DNAJC1: variants seen among roughly 807,000 people sequenced by gnomAD.
DNAJC1 encodes DnaJ heat shock protein family (Hsp40) member C1.
In DNAJC1, 58 loss-of-function variants were observed where a neutral mutation model predicts 76.6. That is an observed-to-expected ratio of 0.76 (90% confidence interval 0.61 to 0.94). The LOEUF is 0.94. DNAJC1 is among the 40% of genes least tolerant of loss of function. The pLI is 0.00. For missense variants in DNAJC1, 689 were observed against 677.3 expected, an observed-to-expected ratio of 1.02 and a Z score of -0.19; for synonymous variants, 258 against 267.9, an observed-to-expected ratio of 0.96 and a Z score of 0.36.
chr10:21,907,560 T>G (rs535271224), intron 6 of DNAJC1, among the ~76,000 whole-genome samples: 1 of 152,264 alleles, frequency 6.6e-6, no homozygotes, highest in South Asian at 2.1e-4. Context: ...TATAAGGGAT[T>G]AGAGATAAGA....
chr10:21,921,096 C>T (rs917860246), intron 3 of DNAJC1, 133 bp from the exon 4 acceptor site: 18 of 773,320 alleles, frequency 2.3e-5, no homozygotes, highest in Non-Finnish European at 3.5e-5. Flanking sequence ...ACGTTCCCAG[C>T]ATTATAATAT....
At chr10:21,830,482 T>C (rs1345796380) in intron 8 of DNAJC1, among the ~76,000 whole-genome samples, 2 of 152,184 alleles carry the variant, frequency 1.3e-5, no homozygotes, top group Non-Finnish European at 2.9e-5. Context: ...CTGGCGTTCC[T>C]TTGTTTTCTC....
chr10:21,867,303 T>G (rs2131704731), intron 8 of DNAJC1, among the ~76,000 whole-genome samples: 1 of 152,122 alleles, frequency 6.6e-6, no homozygotes, highest in East Asian at 1.9e-4. Flanking sequence ...ATATTAGGAA[T>G]GAAAAGGAGG....
chr10:21,945,559 A>AC (rs1837490649), intron 1 of DNAJC1, among the ~76,000 whole-genome samples: 1 of 152,162 alleles, frequency 6.6e-6, no homozygotes, highest in Admixed American at 6.5e-5. Context: ...CAAAGAGGGG[A>AC]CACCATTAGC....
intron 9 of DNAJC1, among the ~76,000 whole-genome samples, chr10:21,781,449 C>T (rs546427328): frequency 7.2e-5 from 11 of 152,254 alleles, no homozygotes; most frequent in African/African-American, 1.9e-4. Context: ...TCGCCGGGCG[C>T]GGTGGCTCAC....
chr10:21,835,337 C>G (rs987635589), intron 8 of DNAJC1, among the ~76,000 whole-genome samples: 2 of 152,106 alleles, frequency 1.3e-5, no homozygotes, highest in Non-Finnish European at 2.9e-5. Context: ...ACGTCACCAT[C>G]ATGAAAGACC....
chr10:21,932,981 A>G lies in DNAJC1; in HGVS notation c.223-3840T>C, dbSNP rs1043152498. On this transcript the variant is annotated intron_variant, in intron 1 of 11. Transcript: ENST00000376980. Reference sequence around the variant, plus strand: ...ACAATGAATATAATAAATTGTTTCTATAAGTATAGAAAAAAGCTTGAAAGG... The same window carrying G: ...ACAATGAATATAATAAATTGTTTCTGTAAGTATAGAAAAAAGCTTGAAAGG... 1.4e-4 allele frequency among the ~76,000 whole-genome samples: 22 copies of G among 152,342 alleles called. 1 individual carries two copies. Among genetic ancestry groups the G allele is most frequent in the Middle Eastern group, 3.4e-3 (1 of 294 alleles).
At chr10:21,772,271 CTTTTTTT>C (rs398045895) in intron 9 of DNAJC1, among the ~76,000 whole-genome samples, 1 of 93,044 alleles carries the variant, frequency 1.1e-5, no homozygotes, top group African/African-American at 4.3e-5. Flanking sequence ...CACCCCTCTT[CTTTTTTT>C]TTTTTTTTTT....
intron 1 of DNAJC1, among the ~76,000 whole-genome samples, chr10:21,946,441 C>T (rs532249404): frequency 2.6e-5 from 4 of 152,096 alleles, no homozygotes; most frequent in South Asian, 2.1e-4. Flanking sequence ...CACTACATAC[C>T]TACCAGAACG....
At position 21,929,108 on chromosome 10, in the gene DNAJC1, G is replaced by T. The variant is rs1002686942; in HGVS notation, c.256C>A (p.Arg86Ser). 2 of 1,611,882 alleles carry T rather than the reference G, an allele frequency of 1.2e-6. No individual in the cohort carries two copies. Among genetic ancestry groups the T allele is most frequent in the East Asian group, 2.2e-5 (1 of 44,736 alleles). Residue 86 changes from arginine (R) to serine (S), a missense_variant, in exon 2 of 12, where the codon CGT becomes AGT. Coordinates refer to ENST00000376980, the MANE Select transcript of DNAJC1 (RefSeq NM_022365.4). Reference sequence around the variant, plus strand: ...GGATGTAAAGTTAGTGAAAGCTTACGATATGCTTTTCTGATGTCTGCAGAT... The same window carrying T: ...GGATGTAAAGTTAGTGAAAGCTTACTATATGCTTTTCTGATGTCTGCAGAT... ...ASSADIRKAY[R>S]KLSLTLHPDK...
chr10:21,813,096 C>CATATATATATATATAT (rs373917334), intron 8 of DNAJC1, among the ~76,000 whole-genome samples: 32 of 117,292 alleles, frequency 2.7e-4, no homozygotes, highest in African/African-American at 8.9e-4. Context: ...TACACACACA[C>CATATATATATATATAT]ATATATATAT....
chr10:21,791,016 G>C (rs547455179), intron 9 of DNAJC1, among the ~76,000 whole-genome samples: 8 of 152,098 alleles, frequency 5.3e-5, no homozygotes, highest in African/African-American at 1.7e-4. Context: ...CATACAGACT[G>C]AAAGTAGAGG....
intron 8 of DNAJC1, among the ~76,000 whole-genome samples, chr10:21,862,814 A>C (rs1835938081): frequency 6.6e-6 from 1 of 152,038 alleles, no homozygotes; most frequent in African/African-American, 2.4e-5. Flanking sequence ...AAATCAACCT[A>C]ATCTTCCACC....
chr10:21,799,266 G>A (rs1834784747), intron 9 of DNAJC1, among the ~76,000 whole-genome samples: 1 of 151,874 alleles, frequency 6.6e-6, no homozygotes, highest in Admixed American at 6.6e-5. Context: ...GTTCTTTGTG[G>A]AATTTCTGGT....
intron 1 of DNAJC1, among the ~76,000 whole-genome samples, chr10:21,977,210 T>C (rs1447624978): frequency 1.3e-5 from 2 of 152,164 alleles, no homozygotes; most frequent in Non-Finnish European, 2.9e-5. Context: ...CAAGACCTTA[T>C]CTTAGCAATT....
intron 9 of DNAJC1, among the ~76,000 whole-genome samples, chr10:21,778,608 T>A (rs576091976): frequency 2.6e-5 from 4 of 151,980 alleles, no homozygotes; most frequent in Admixed American, 2.6e-4. Context: ...GAAAAAAAAA[T>A]TGGGGAGTGT....
intron 8 of DNAJC1, among the ~76,000 whole-genome samples, chr10:21,857,972 T>C (rs143823835): frequency 3.9e-5 from 6 of 152,304 alleles, no homozygotes; most frequent in Admixed American, 3.3e-4. Flanking sequence ...CAACAAACAT[T>C]AGTGCAATTC....
intron 8 of DNAJC1, among the ~76,000 whole-genome samples, chr10:21,831,706 C>T (rs1017588454): frequency 2.0e-5 from 3 of 147,746 alleles, no homozygotes; most frequent in African/African-American, 7.5e-5. Flanking sequence ...AGGAGAATGG[C>T]GTGAACCTAG....
chr10:21,854,574 C>T (rs919689037), intron 8 of DNAJC1, among the ~76,000 whole-genome samples: 1 of 151,732 alleles, frequency 6.6e-6, no homozygotes, highest in Non-Finnish European at 1.5e-5. Context: ...AAAAAACAAA[C>T]AAACAGGAAG....
Sources: allele counts gnomAD v4.1 joint callset (sites outside exome capture counted in the v4.1 genomes callset), GRCh38; gene constraint gnomAD v4.1.1; transcripts MANE v1.5; gene names NCBI Gene and HGNC (gene_info 2026-07-23, HGNC 2026-07-21).